Variants in MAN2A1 observed in about 807,000 individuals in gnomAD.
MAN2A1 encodes the protein alpha-mannosidase 2.
A neutral mutation model predicts 142.6 loss-of-function variants in MAN2A1; 76 were observed. That is an observed-to-expected ratio of 0.53 (90% CI 0.44 to 0.65). MAN2A1 has a LOEUF of 0.65. MAN2A1 is among the 30% of genes least tolerant of loss of function. MAN2A1 has a pLI of 0.00. For synonymous variants in MAN2A1, 559 were observed against 473.2 expected (o/e 1.18, Z -2.35); for missense variants, 1,311 against 1,365.1 (o/e 0.96, Z 0.62).
chr5:109,744,877 A>G (rs1314525197), intron 4 of MAN2A1, among the ~76,000 whole-genome samples: 2 of 152,190 alleles, frequency 1.3e-5, no homozygotes, highest in African/African-American at 4.8e-5. Flanking sequence ...TCAGCAGGTG[A>G]TGGATTAAAA....
rs1561509123 is a variant in MAN2A1 at position 109,781,551 on chromosome 5, C to T, written c.1530C>T (p.Ser510=). The change falls in exon 9 of 22, where the codon TCC becomes TCT. Residue 510 remains serine (S), a synonymous_variant. Coordinates refer to ENST00000261483, the MANE Select transcript of MAN2A1 (RefSeq NM_002372.4). ...DDHYWSGYFT[S]RPFYKRMDRI... ...ATTACTGGAGTGGCTATTTTACATC[C>T]AGACCCTTTTACAAACGAATGGACA... 1 of 1,611,758 alleles carries T rather than the reference C, an allele frequency of 6.2e-7. No individual in the cohort carries two copies. The highest frequency in any genetic ancestry group is 1.3e-5 in the African/African-American group (1 of 74,946).
At chr5:109,755,962 C>T (rs922335786) in intron 5 of MAN2A1, among the ~76,000 whole-genome samples, 4 of 151,244 alleles carry the variant, frequency 2.6e-5, no homozygotes, top group Non-Finnish European at 4.4e-5. Context: ...TCTAGGCAGC[C>T]GAGACTAATT....
At chr5:109,725,206 C>A (rs1041117220) in intron 3 of MAN2A1, among the ~76,000 whole-genome samples, 19 of 152,194 alleles carry the variant, frequency 1.2e-4, no homozygotes, top group Admixed American at 3.9e-4. Flanking sequence ...TCTCCTCTTG[C>A]CTGGAGAAAT....
chr5:109,727,394 G>C (rs1751775185), intron 3 of MAN2A1, among the ~76,000 whole-genome samples: 2 of 151,982 alleles, frequency 1.3e-5, no homozygotes, highest in Admixed American at 1.3e-4. Context: ...TACATCAATA[G>C]TCATGTAGGA....
intron 1 of MAN2A1, among the ~76,000 whole-genome samples, chr5:109,701,363 G>T (rs1750978340): frequency 6.6e-6 from 1 of 152,168 alleles, no homozygotes. Context: ...AGATTGGCTT[G>T]ATTTAGAATC....
chr5:109,823,115 T>C (rs1754671350), intron 15 of MAN2A1, among the ~76,000 whole-genome samples: 1 of 152,248 alleles, frequency 6.6e-6, no homozygotes, highest in East Asian at 1.9e-4. Context: ...ATAAGTTATG[T>C]GCTTTATTAC....
chr5:109,844,477 C>CT (rs942342052), intron 17 of MAN2A1, among the ~76,000 whole-genome samples: 83 of 145,020 alleles, frequency 5.7e-4, no homozygotes, highest in Admixed American at 4.8e-4. Flanking sequence ...GGTAGCTTTA[C>CT]TTTTTTTTTT....
chr5:109,856,817 A>T (rs80176774), intron 20 of MAN2A1, among the ~76,000 whole-genome samples: 2,919 of 152,286 alleles, frequency 0.019, 41 homozygotes, highest in Middle Eastern at 0.078. Context: ...TAAAATCATT[A>T]TCAGTGAACT....
chr5:109,767,979 C>T (rs971656575), intron 6 of MAN2A1, among the ~76,000 whole-genome samples: 2 of 152,172 alleles, frequency 1.3e-5, no homozygotes, highest in African/African-American at 2.4e-5. Context: ...ATAATGCTTT[C>T]ACTTGCTTCT....
At chr5:109,728,860 G>A (rs1751820875) in intron 3 of MAN2A1, among the ~76,000 whole-genome samples, 1 of 152,112 alleles carries the variant, frequency 6.6e-6, no homozygotes, top group Admixed American at 6.6e-5. Context: ...TTTAGGTATA[G>A]TTTATACTTG....
intron 3 of MAN2A1, among the ~76,000 whole-genome samples, chr5:109,725,163 C>T (rs1279303312): frequency 6.6e-6 from 1 of 152,110 alleles, no homozygotes; most frequent in African/African-American, 2.4e-5. Flanking sequence ...AGTTATAAAT[C>T]AAAGAAATAA....
intron 1 of MAN2A1, among the ~76,000 whole-genome samples, chr5:109,708,108 G>A (rs889533743): frequency 3.9e-5 from 6 of 152,152 alleles, no homozygotes; most frequent in African/African-American, 9.7e-5. Context: ...TTTAGAGCTT[G>A]GGAGAGAAGG....
At chr5:109,815,465 G>A (rs1431709516) in intron 12 of MAN2A1, among the ~76,000 whole-genome samples, 1 of 152,162 alleles carries the variant, frequency 6.6e-6, no homozygotes, top group Non-Finnish European at 1.5e-5. Context: ...GAATCTCAGT[G>A]AACATAAGTA....
At chr5:109,729,676 G>A (rs1424156831) in intron 4 of MAN2A1, among the ~76,000 whole-genome samples, 163 bp downstream of exon 4, 1 of 152,030 alleles carries the variant, frequency 6.6e-6, no homozygotes, top group African/African-American at 2.4e-5. Flanking sequence ...CTCTGAAAAA[G>A]CCATTTGAAA....
chr5:109,824,491 ATTGT>A (rs758484943), intron 16 of MAN2A1, among the ~76,000 whole-genome samples: 2 of 152,156 alleles, frequency 1.3e-5, no homozygotes, highest in Non-Finnish European at 2.9e-5. Context: ...TTTAGAATTC[ATTGT>A]TTGTAGAATG....
chr5:109,860,325 A>G (rs1755723688), intron 20 of MAN2A1, among the ~76,000 whole-genome samples: 1 of 152,230 alleles, frequency 6.6e-6, no homozygotes, highest in Non-Finnish European at 1.5e-5. Context: ...ACCCTAAAAA[A>G]TGAATTTCTA....
At chr5:109,831,241 C>T (rs1207048129) in intron 16 of MAN2A1, among the ~76,000 whole-genome samples, 4 of 152,156 alleles carry the variant, frequency 2.6e-5, no homozygotes, top group Non-Finnish European at 5.9e-5. Flanking sequence ...ATACAAGGAA[C>T]CTTACCCATA....
At chr5:109,701,417 T>G (rs977701737) in intron 1 of MAN2A1, among the ~76,000 whole-genome samples, 5 of 152,214 alleles carry the variant, frequency 3.3e-5, no homozygotes, top group African/African-American at 4.8e-5. Context: ...TGTAGGTAGT[T>G]CAGGATCAGA....
intron 4 of MAN2A1, among the ~76,000 whole-genome samples, chr5:109,751,889 C>G (rs942841128): frequency 2.0e-5 from 3 of 152,012 alleles, no homozygotes; most frequent in Non-Finnish European, 4.4e-5. Context: ...CCTATTTTCT[C>G]TTTTGTTAAT....
Sources: gnomAD v4.1 joint callset for allele counts (sites outside exome capture counted in the v4.1 genomes callset) on GRCh38, gnomAD v4.1.1 for gene constraint, MANE v1.5 for transcripts, NCBI Gene and HGNC (gene_info 2026-07-23, HGNC 2026-07-21) for gene names.